The following DOCK4 variants were observed in gnomAD, a reference collection of about 807,000 sequenced individuals.
DOCK4 encodes the protein dedicator of cytokinesis protein 4.
In DOCK4, 97 loss-of-function variants were observed where a neutral mutation model predicts 268.1. The observed-to-expected ratio is 0.36, with a 90% confidence interval of 0.31 to 0.43. The LOEUF (loss-of-function observed/expected upper bound fraction) is 0.43, where lower values mean the gene tolerates loss of function less well. Among genes scored for constraint, DOCK4 ranks in the 20% least tolerant of loss-of-function variants. The probability of loss-of-function intolerance (pLI) is 1.00; values close to 1 mark genes in which losing one functional copy is unlikely to be tolerated. For synonymous variants in DOCK4, 954 were observed against 887.2 expected (o/e 1.08, Z -1.34); for missense variants, 2,145 against 2,455.7 (o/e 0.87, Z 2.67).
intron 26 of DOCK4, among the ~76,000 whole-genome samples, chr7:111,828,054 G>T (rs899744116): frequency 9.2e-5 from 14 of 152,126 alleles, no homozygotes; most frequent in Non-Finnish European, 1.6e-4. Context: ...GTATATATAT[G>T]AAATGCCAAG....
intron 23 of DOCK4, among the ~76,000 whole-genome samples, chr7:111,861,299 A>C (rs529549457): frequency 1.3e-5 from 2 of 152,088 alleles, no homozygotes; most frequent in African/African-American, 2.4e-5. Context: ...CATTGTTTGA[A>C]GTGCTATTTC....
At chr7:112,062,009 C>T (rs936632267) in intron 1 of DOCK4, among the ~76,000 whole-genome samples, 1 of 152,144 alleles carries the variant, frequency 6.6e-6, no homozygotes, top group Admixed American at 6.5e-5. Flanking sequence ...ATGTGGTACA[C>T]AGATGAGAAA....
intron 16 of DOCK4, among the ~76,000 whole-genome samples, chr7:111,880,274 A>T (rs188305370): frequency 4.5e-4 from 69 of 152,334 alleles, no homozygotes; most frequent in African/African-American, 1.5e-3. Flanking sequence ...AGAGTGTGGC[A>T]TGACACCTTT....
chr7:112,061,527 G>A (rs1806391100), intron 1 of DOCK4, among the ~76,000 whole-genome samples: 1 of 151,776 alleles, frequency 6.6e-6, no homozygotes, highest in South Asian at 2.1e-4. Flanking sequence ...TCTGTCACCC[G>A]CTTTCTAACA....
chr7:111,792,540 G>A (rs974251412), intron 30 of DOCK4, among the ~76,000 whole-genome samples: 3 of 152,022 alleles, frequency 2.0e-5, no homozygotes, highest in South Asian at 2.1e-4. Flanking sequence ...GCACCACCAC[G>A]CCCAGCTAAT....
chr7:112,087,380 G>T (rs984457764), intron 1 of DOCK4, among the ~76,000 whole-genome samples: 1 of 152,004 alleles, frequency 6.6e-6, no homozygotes, highest in Non-Finnish European at 1.5e-5. Context: ...TTTAGATTTA[G>T]ATTTGTTCTG....
At chr7:111,998,886 T>TA (rs1800188667) in intron 3 of DOCK4, among the ~76,000 whole-genome samples, 1 of 74,640 alleles carries the variant, frequency 1.3e-5, no homozygotes, top group East Asian at 0.011. Context: ...TGATGGTAGT[T>TA]CCTTTTTTTC....
intron 1 of DOCK4, among the ~76,000 whole-genome samples, chr7:112,035,576 G>A (rs908493795): frequency 2.0e-5 from 3 of 152,028 alleles, no homozygotes; most frequent in African/African-American, 7.2e-5. Context: ...AATAGCAAGG[G>A]GCAGAGGAAG....
intron 14 of DOCK4, among the ~76,000 whole-genome samples, chr7:111,900,768 C>G (rs576279357): frequency 1.3e-5 from 2 of 152,160 alleles, no homozygotes; most frequent in Non-Finnish European, 2.9e-5. Flanking sequence ...CCGGGTGACA[C>G]GTGGGAGATG....
chr7:112,192,214 A>G (rs1820019294), intron 1 of DOCK4, among the ~76,000 whole-genome samples: 1 of 151,938 alleles, frequency 6.6e-6, no homozygotes, highest in African/African-American at 2.4e-5. Context: ...CACACAAAAA[A>G]AGATAAACCA....
rs1367368929 is a variant in DOCK4, at chr7:111,918,428, G to A, written c.1067-2524C>T. On this transcript the variant is annotated intron_variant, in intron 12 of 52. Transcript: ENST00000428084. ...AGAGTGTCTGTCTTTCCATGGTCACGGGAAATGAAGAAGGGGGGAATAAGC... is the reference window on the plus strand; with the variant it reads ...AGAGTGTCTGTCTTTCCATGGTCACAGGAAATGAAGAAGGGGGGAATAAGC... Among the ~76,000 whole-genome samples the A allele has an allele frequency of 9.9e-5, 15 of 152,256 alleles. 1 individual carries two copies. In the East Asian group the frequency reaches 2.7e-3, roughly 27 times the overall value.
chr7:112,142,278 C>T (rs1431983875), intron 1 of DOCK4, among the ~76,000 whole-genome samples: 1 of 152,168 alleles, frequency 6.6e-6, no homozygotes, highest in Non-Finnish European at 1.5e-5. Context: ...GACAACATTG[C>T]ACACCTTTTC....
intron 5 of DOCK4, among the ~76,000 whole-genome samples, chr7:111,990,366 CA>C (rs973454960): frequency 3.9e-5 from 6 of 152,158 alleles, no homozygotes; most frequent in African/African-American, 1.2e-4. Context: ...TTACTTTCTA[CA>C]AAAATTATGA....
chr7:112,151,182 G>C (rs1206062479), intron 1 of DOCK4, among the ~76,000 whole-genome samples: 7 of 152,112 alleles, frequency 4.6e-5, no homozygotes, highest in African/African-American at 1.7e-4. Flanking sequence ...CCTACAGCTA[G>C]GGCAATTTAG....
intron 1 of DOCK4, among the ~76,000 whole-genome samples, chr7:112,045,824 CCATAG>C (rs1163724153): frequency 1.3e-5 from 2 of 152,096 alleles, no homozygotes; most frequent in African/African-American, 4.8e-5. Context: ...AAAAGCAAAG[CCATAG>C]CAAATACTAC....
chr7:112,169,319 A>G (rs1421898410), intron 1 of DOCK4, among the ~76,000 whole-genome samples: 1 of 152,196 alleles, frequency 6.6e-6, no homozygotes, highest in Non-Finnish European at 1.5e-5. Flanking sequence ...ATTCCTTTAC[A>G]GCAGTACAAG....
intron 25 of DOCK4, among the ~76,000 whole-genome samples, chr7:111,837,998 A>G (rs1375458428): frequency 6.8e-6 from 1 of 147,900 alleles, no homozygotes; most frequent in African/African-American, 2.5e-5. Context: ...AGGCAGGAGA[A>G]TTGCTTGAAC....
chr7:112,021,188 A>G (rs958637249), intron 1 of DOCK4, among the ~76,000 whole-genome samples: 2 of 152,238 alleles, frequency 1.3e-5, no homozygotes, highest in African/African-American at 4.8e-5. Flanking sequence ...AAAAGAATCA[A>G]TAAAATGCTA....
chr7:111,893,000 G>C (rs764170344), intron 16 of DOCK4, among the ~76,000 whole-genome samples: 7 of 152,144 alleles, frequency 4.6e-5, no homozygotes, highest in Non-Finnish European at 8.8e-5. Context: ...AAATTAGACA[G>C]CCTACACATA....
Sources: allele counts gnomAD v4.1 joint callset (sites outside exome capture counted in the v4.1 genomes callset), GRCh38; gene constraint gnomAD v4.1.1; transcripts MANE v1.5; gene names NCBI Gene and HGNC (gene_info 2026-07-23, HGNC 2026-07-21).